The following AIG1 variants were observed in gnomAD, a reference collection of about 807,000 sequenced individuals.
AIG1 encodes androgen induced 1, also known as androgen-induced gene 1 protein.
AIG1 carries 23 observed loss-of-function variants against 31.4 expected under a neutral mutation model. That is an observed-to-expected ratio of 0.73 (90% confidence interval 0.53 to 1.04). The LOEUF is 1.04. Ranked by LOEUF, AIG1 falls within the 50% of genes least tolerant of loss-of-function variation. AIG1 has a pLI of 0.00. For missense variants in AIG1, 274 were observed against 295.0 expected (o/e 0.93, Z 0.52); for synonymous variants, 100 against 110.5 (o/e 0.90, Z 0.60).
At chr6:143,188,511 A>G in intron 3 of AIG1, 3 of 985,340 alleles carry the variant, frequency 3.0e-6, no homozygotes, top group Non-Finnish European at 3.6e-6. Context: ...TGACCTGCCT[A>G]CTATAACCCT....
intron 1 of AIG1, among the ~76,000 whole-genome samples, chr6:143,067,621 C>A (rs535852878): frequency 6.1e-4 from 93 of 152,270 alleles, no homozygotes; most frequent in African/African-American, 2.1e-3. Context: ...ACATACTTAT[C>A]ATAAAACATA....
chr6:143,306,947 C>G (rs551362744), intron 4 of AIG1, among the ~76,000 whole-genome samples: 2 of 152,238 alleles, frequency 1.3e-5, no homozygotes, highest in Non-Finnish European at 2.9e-5. Flanking sequence ...TCATTTCATT[C>G]ATTTCATCTT....
At chr6:143,159,614 T>A (rs1786138861) in intron 2 of AIG1, among the ~76,000 whole-genome samples, 1 of 152,198 alleles carries the variant, frequency 6.6e-6, no homozygotes, top group South Asian at 2.1e-4. Context: ...TAGAAACTGA[T>A]TGTCCTCTGG....
chr6:143,074,595 C>T (rs924590982), intron 1 of AIG1, among the ~76,000 whole-genome samples: 1 of 152,136 alleles, frequency 6.6e-6, no homozygotes, highest in African/African-American at 2.4e-5. Flanking sequence ...TTCTGTTGCA[C>T]TGGTCCATGT....
rs189914468 is a variant in AIG1 at position 143,293,099 on chromosome 6, T to C, written c.515+8874T>C. Among the ~76,000 whole-genome samples, 13 of 152,294 alleles carry C rather than the reference T, an allele frequency of 8.5e-5. No homozygotes were observed. In the South Asian group the frequency reaches 1.2e-3, roughly 15 times the overall value. ...AGAGTTGTGAGGATTAATGAGCCCA[T>C]AGGGATGCTCAGGAAATGAGAGCAT... is the stretch of plus-strand genomic sequence containing the variant. On this transcript the variant is annotated intron_variant, in intron 4 of 5. Coordinates refer to ENST00000357847, the MANE Select transcript of AIG1 (RefSeq NM_016108.4). The surrounding 1 kb of genome is among the most constrained non-coding windows in gnomAD (Gnocchi z 4.8).
At chr6:143,294,861 C>T (rs1219672338) in intron 4 of AIG1, among the ~76,000 whole-genome samples, 1 of 152,108 alleles carries the variant, frequency 6.6e-6, no homozygotes, top group Non-Finnish European at 1.5e-5. Flanking sequence ...TCTTTCAACT[C>T]CCCCCAAACC....
At chr6:143,148,990 G>A (rs968157242) in intron 2 of AIG1, among the ~76,000 whole-genome samples, 2 of 152,132 alleles carry the variant, frequency 1.3e-5, no homozygotes, top group Non-Finnish European at 2.9e-5. Context: ...GCCTAGGTAT[G>A]CAGTAGGCTA....
chr6:143,295,080 T>C (rs1014171621), intron 4 of AIG1, among the ~76,000 whole-genome samples: 4 of 152,124 alleles, frequency 2.6e-5, no homozygotes, highest in African/African-American at 9.7e-5. Flanking sequence ...ACCCCAAACC[T>C]GCATCCCCTT....
chr6:143,324,350 C>A (rs1466188821), intron 4 of AIG1, among the ~76,000 whole-genome samples: 1 of 152,216 alleles, frequency 6.6e-6, no homozygotes, highest in Admixed American at 6.5e-5. Flanking sequence ...CATCTTGCAA[C>A]ATTTCTGTAT....
intron 4 of AIG1, among the ~76,000 whole-genome samples, chr6:143,313,062 C>T (rs773409043): frequency 8.6e-5 from 13 of 151,884 alleles, no homozygotes; most frequent in Non-Finnish European, 1.8e-4. Flanking sequence ...TAACAAATGT[C>T]GGGGAGGATG....
intron 2 of AIG1, among the ~76,000 whole-genome samples, chr6:143,157,566 G>C (rs1170160875): frequency 1.3e-5 from 2 of 151,764 alleles, no homozygotes; most frequent in African/African-American, 4.8e-5. Flanking sequence ...CAGCAGGAAG[G>C]TTTTTCAGTG....
At chr6:143,216,484 G>A (rs1482035803) in intron 3 of AIG1, among the ~76,000 whole-genome samples, 1 of 152,176 alleles carries the variant, frequency 6.6e-6, no homozygotes, top group Non-Finnish European at 1.5e-5. Flanking sequence ...CTGGATGATA[G>A]CTTACTGTAC....
At chr6:143,185,443 G>A (rs1229930066) in intron 3 of AIG1, among the ~76,000 whole-genome samples, 1 of 152,118 alleles carries the variant, frequency 6.6e-6, no homozygotes, top group Admixed American at 6.5e-5. Context: ...TGCACACTGC[G>A]CTCCTGAGCT....
chr6:143,184,176 G>A (rs183542422), intron 3 of AIG1, among the ~76,000 whole-genome samples: 16 of 152,288 alleles, frequency 1.1e-4, no homozygotes, highest in Admixed American at 9.1e-4. Context: ...TCCAGTGATG[G>A]AGCTTCAATA....
intron 3 of AIG1, among the ~76,000 whole-genome samples, chr6:143,179,067 G>A (rs1217153259): frequency 1.3e-5 from 2 of 152,184 alleles, no homozygotes; most frequent in South Asian, 4.2e-4. Flanking sequence ...TTTATTGGGG[G>A]CTTGAGTAGA....
chr6:143,238,934 G>A (rs938663895), intron 3 of AIG1, among the ~76,000 whole-genome samples: 4 of 152,186 alleles, frequency 2.6e-5, no homozygotes, highest in African/African-American at 7.2e-5. Context: ...TCCAGACACT[G>A]TAGACATAAT....
chr6:143,075,783 T>C (rs1363906270), intron 1 of AIG1, among the ~76,000 whole-genome samples: 1 of 152,216 alleles, frequency 6.6e-6, no homozygotes, highest in Non-Finnish European at 1.5e-5. Context: ...TAAATGTATC[T>C]CATGCTTTAA....
At chr6:143,261,700 A>T (rs1562534826) in intron 3 of AIG1, among the ~76,000 whole-genome samples, 1 of 152,214 alleles carries the variant, frequency 6.6e-6, no homozygotes, top group African/African-American at 2.4e-5. Flanking sequence ...ACACCAGCCT[A>T]TCCTCCACCA....
intron 4 of AIG1, among the ~76,000 whole-genome samples, chr6:143,310,628 T>G (rs933498482): frequency 3.4e-5 from 5 of 149,086 alleles, no homozygotes; most frequent in African/African-American, 4.9e-5. Context: ...AAGAAATAAA[T>G]AAAATTTAAA....
Sources: allele counts gnomAD v4.1 joint callset (sites outside exome capture counted in the v4.1 genomes callset), GRCh38; gene constraint gnomAD v4.1.1; non-coding constraint Gnocchi (gnomAD v3.1); transcripts MANE v1.5; gene names NCBI Gene and HGNC (gene_info 2026-07-23, HGNC 2026-07-21).